Variants in ARK2N observed in about 807,000 individuals in gnomAD.
The protein encoded by ARK2N is protein ARK2N.
the ARK2N span, among the ~76,000 whole-genome samples, chr18:46,227,798 A>T: frequency 3.3e-5 from 5 of 152,116 alleles, no homozygotes; most frequent in Admixed American, 1.3e-4. Flanking sequence ...GGGTTTCTCC[A>T]TGTTGGTCAG....
At chr18:46,194,475 T>G in the ARK2N span, among the ~76,000 whole-genome samples, 4 of 150,518 alleles carry the variant, frequency 2.7e-5, no homozygotes, top group African/African-American at 9.8e-5. Context: ...TGTTTTTTTT[T>G]TTGTTTGTTT....
the ARK2N span, among the ~76,000 whole-genome samples, chr18:46,175,649 C>T: frequency 6.6e-6 from 1 of 151,198 alleles, no homozygotes; most frequent in African/African-American, 2.4e-5. Context: ...ATTACGGGCA[C>T]GCGCCACCAC....
At chr18:46,214,843 A>G in the ARK2N span, among the ~76,000 whole-genome samples, 5 of 152,212 alleles carry the variant, frequency 3.3e-5, no homozygotes, top group African/African-American at 1.2e-4. Context: ...CAAATTCAGC[A>G]TGATGAGGTA....
At chr18:46,248,521 C>T in the ARK2N span, among the ~76,000 whole-genome samples, 1 of 152,144 alleles carries the variant, frequency 6.6e-6, no homozygotes, top group African/African-American at 2.4e-5. Context: ...TTTCCTTCTA[C>T]CCCTCCTTAC....
At chr18:46,217,884 T>C in the ARK2N span, 4 of 152,176 alleles carry the variant, frequency 2.6e-5, no homozygotes, top group African/African-American at 9.7e-5. Flanking sequence ...AGAAACAGAC[T>C]TTGGGGTTGT....
the ARK2N span, among the ~76,000 whole-genome samples, chr18:46,206,745 C>A: frequency 6.6e-6 from 1 of 152,000 alleles, no homozygotes; most frequent in Non-Finnish European, 1.5e-5. Context: ...CACTTCTCTT[C>A]ATTCTCCTCC....
At chr18:46,206,534 CTT>C in the ARK2N span, among the ~76,000 whole-genome samples, 1 of 152,262 alleles carries the variant, frequency 6.6e-6, no homozygotes, top group South Asian at 2.1e-4. Flanking sequence ...TCAAATCTGA[CTT>C]TACTGATACT....
chr18:46,198,611 C>G, the ARK2N span, among the ~76,000 whole-genome samples: 1 of 151,578 alleles, frequency 6.6e-6, no homozygotes, highest in African/African-American at 2.4e-5. Context: ...TGTCTTTTTT[C>G]TTTTTTGAGA....
chr18:46,229,990 G>A, the ARK2N span, among the ~76,000 whole-genome samples: 1 of 152,078 alleles, frequency 6.6e-6, no homozygotes, highest in Admixed American at 6.6e-5. Context: ...GCAATGGCAC[G>A]ATCTTGGCTC....
the ARK2N span, among the ~76,000 whole-genome samples, chr18:46,194,091 C>G: frequency 6.6e-6 from 1 of 152,082 alleles, no homozygotes; most frequent in African/African-American, 2.4e-5. Flanking sequence ...CTCCTGGGCT[C>G]AAGCAGTCCT....
the ARK2N span, among the ~76,000 whole-genome samples, chr18:46,251,768 A>C: frequency 6.6e-6 from 1 of 152,194 alleles, no homozygotes; most frequent in Admixed American, 6.5e-5. Context: ...CATTTTGCTT[A>C]TTTAAAGGCT....
chr18:46,209,511 T>G, the ARK2N span, among the ~76,000 whole-genome samples: 1 of 152,210 alleles, frequency 6.6e-6, no homozygotes, highest in Non-Finnish European at 1.5e-5. Context: ...GCTGTACACA[T>G]CTTTTGTCAT....
At chr18:46,261,351 C>A in the ARK2N span, among the ~76,000 whole-genome samples, 8 of 152,314 alleles carry the variant, frequency 5.3e-5, no homozygotes, top group African/African-American at 1.7e-4. Context: ...CCTGTTTAAG[C>A]CTCAGTTTCC....
At chr18:46,177,431 C>CTTTTTTTTTTTTTTTTT in the ARK2N span, among the ~76,000 whole-genome samples, 1 of 89,328 alleles carries the variant, frequency 1.1e-5, no homozygotes, top group African/African-American at 4.0e-5. Flanking sequence ...TTTTTCTTTA[C>CTTTTTTTTTTTTTTTTT]TTTTTTTTTT....
the ARK2N span, among the ~76,000 whole-genome samples, chr18:46,180,664 T>C: frequency 6.6e-6 from 1 of 151,814 alleles, no homozygotes; most frequent in Admixed American, 6.6e-5. Flanking sequence ...GATTGTGCCA[T>C]TGCACTCCAG....
chr18:46,186,000 TAAAA>T, the ARK2N span, among the ~76,000 whole-genome samples: 1 of 151,020 alleles, frequency 6.6e-6, no homozygotes, highest in South Asian at 2.1e-4. Flanking sequence ...AGAATAAAAA[TAAAA>T]AAACAGGCAA....
At chr18:46,248,138 G>A in the ARK2N span, among the ~76,000 whole-genome samples, 15 of 152,312 alleles carry the variant, frequency 9.8e-5, no homozygotes, top group Admixed American at 6.5e-4. Flanking sequence ...GCAGTGAAAC[G>A]GTAACCTCCT....
At chr18:46,197,736 CT>C in the ARK2N span, among the ~76,000 whole-genome samples, 1 of 151,850 alleles carries the variant, frequency 6.6e-6, no homozygotes, top group South Asian at 2.1e-4. Flanking sequence ...TGTAGACTCT[CT>C]TTTCAAAAAG....
the ARK2N span, among the ~76,000 whole-genome samples, chr18:46,221,881 C>T: frequency 6.6e-6 from 1 of 152,140 alleles, no homozygotes; most frequent in Admixed American, 6.5e-5. Context: ...AGCCTCATGT[C>T]CCTATTTTAA....
Sources: allele counts gnomAD v4.1 joint callset (sites outside exome capture counted in the v4.1 genomes callset), GRCh38; gene constraint gnomAD v4.1.1; transcripts MANE v1.5; gene names NCBI Gene and HGNC (gene_info 2026-07-23, HGNC 2026-07-21).